ADAMTSL1: variants seen among roughly 807,000 people sequenced by gnomAD.
ADAMTSL1 encodes ADAMTS like 1, also known as ADAMTS-like protein 1.
ADAMTSL1 carries 126 observed loss-of-function variants against 201.8 expected under a neutral mutation model. That is an observed-to-expected ratio of 0.62 (90% CI 0.54 to 0.72). ADAMTSL1 has a LOEUF of 0.72. Among genes scored for constraint, ADAMTSL1 ranks in the 30% least tolerant of loss-of-function variants. The pLI is 0.00. For missense variants in ADAMTSL1, 2,679 were observed against 2,277.8 expected, an observed-to-expected ratio of 1.18 and a Z score of -3.59; for synonymous variants, 1,121 against 903.4, an observed-to-expected ratio of 1.24 and a Z score of -4.32.
intron 1 of ADAMTSL1, among the ~76,000 whole-genome samples, chr9:17,926,248 A>G (rs1826521664): frequency 6.6e-6 from 1 of 152,200 alleles, no homozygotes; most frequent in South Asian, 2.1e-4. Context: ...AAGAGTGCTT[A>G]TTTATTGGTA....
At chr9:18,574,357 C>G in intron 4 of ADAMTSL1, 91 bp downstream of exon 4, 1 of 1,114,250 alleles carries the variant, frequency 9.0e-7, no homozygotes, top group South Asian at 1.3e-5. Flanking sequence ...CTGAATCACT[C>G]ATCTTTACAC....
chr9:18,531,529 T>C (rs773450911), intron 2 of ADAMTSL1, among the ~76,000 whole-genome samples: 4 of 152,202 alleles, frequency 2.6e-5, no homozygotes, highest in African/African-American at 4.8e-5. Flanking sequence ...TTTTAATGCA[T>C]AGTAATAGTC....
chr9:18,010,018 T>C (rs1819987618), intron 1 of ADAMTSL1, among the ~76,000 whole-genome samples: 1 of 152,034 alleles, frequency 6.6e-6, no homozygotes, highest in Admixed American at 6.6e-5. Context: ...ATATGGGAAA[T>C]TTAAACTCAA....
intron 2 of ADAMTSL1, among the ~76,000 whole-genome samples, chr9:18,276,367 A>G (rs1393211658): frequency 1.3e-5 from 2 of 151,988 alleles, no homozygotes; most frequent in African/African-American, 2.4e-5. Context: ...CAATGTATAT[A>G]TTTTCATTTA....
chr9:18,636,173 G>T (rs1027625041), intron 6 of ADAMTSL1, among the ~76,000 whole-genome samples, 156 bp downstream of exon 6: 2 of 152,142 alleles, frequency 1.3e-5, no homozygotes, highest in African/African-American at 4.8e-5. Context: ...TTAGCTGCCT[G>T]ATGAGATGGC....
intron 1 of ADAMTSL1, among the ~76,000 whole-genome samples, chr9:18,020,530 G>T (rs1290488748): frequency 6.6e-6 from 1 of 152,074 alleles, no homozygotes; most frequent in Admixed American, 6.6e-5. Flanking sequence ...AGCCTTCACA[G>T]TGTGTGCAAA....
At position 18,159,268 on chromosome 9, in the gene ADAMTSL1, T is replaced by C. The variant is rs555937816; in HGVS notation, c.88-4594T>C. ...AGGAAAAAAATTTTTAACCGTGTGGTTTTCAGCACTACTCTTCCTAAGTAA... is the reference window on the plus strand; with the variant it reads ...AGGAAAAAAATTTTTAACCGTGTGGCTTTCAGCACTACTCTTCCTAAGTAA... On this transcript the variant is annotated intron_variant, in intron 1 of 29. Coordinates refer to the ADAMTSL1 transcript ENST00000680146. Among the ~76,000 whole-genome samples the C allele has an allele frequency of 8.5e-5, 13 of 152,124 alleles. No homozygotes were observed. In the South Asian group the frequency reaches 2.5e-3, roughly 29 times the overall value.
At chr9:18,736,398 C>A (rs972655807) in intron 15 of ADAMTSL1, among the ~76,000 whole-genome samples, 15 of 152,156 alleles carry the variant, frequency 9.9e-5, no homozygotes, top group Non-Finnish European at 1.9e-4. Flanking sequence ...AAGGCACATC[C>A]CAGGCACACC....
At chr9:18,602,875 G>A (rs566953588) in intron 4 of ADAMTSL1, among the ~76,000 whole-genome samples, 114 of 152,274 alleles carry the variant, frequency 7.5e-4, no homozygotes, top group African/African-American at 2.7e-3. Context: ...GCCCACTGAA[G>A]GGACTGTGTG....
intron 2 of ADAMTSL1, among the ~76,000 whole-genome samples, chr9:18,202,278 G>T (rs140878441): frequency 5.3e-4 from 81 of 152,210 alleles, no homozygotes; most frequent in Middle Eastern, 3.4e-3. Flanking sequence ...GATTTCTTCA[G>T]TTTGAAAGAA....
intron 19 of ADAMTSL1, among the ~76,000 whole-genome samples, chr9:18,785,114 G>A (rs959855241): frequency 6.6e-6 from 1 of 151,902 alleles, no homozygotes; most frequent in Non-Finnish European, 1.5e-5. Flanking sequence ...CAGTGAGCTG[G>A]TATCGTGCCA....
chr9:18,134,305 A>G (rs1465816882), intron 1 of ADAMTSL1, among the ~76,000 whole-genome samples: 1 of 152,104 alleles, frequency 6.6e-6, no homozygotes, highest in Non-Finnish European at 1.5e-5. Flanking sequence ...TGCAGAGGCA[A>G]GTTTGTTGTT....
At chr9:18,894,020 C>G (rs542168538) in intron 26 of ADAMTSL1, among the ~76,000 whole-genome samples, 1 of 152,328 alleles carries the variant, frequency 6.6e-6, no homozygotes, top group Admixed American at 6.5e-5. Flanking sequence ...AAGGGAAAAG[C>G]AGCCCACAAT....
Position 18,721,634 on chromosome 9 carries a change from A to G in ADAMTSL1, c.1975A>G (p.Lys659Glu), listed in dbSNP as rs1833385460. 1 of 1,613,948 alleles carries G rather than the reference A, an allele frequency of 6.2e-7. No individual in the cohort carries two copies. The highest frequency in any genetic ancestry group is 8.5e-7 in the Non-Finnish European group (1 of 1,179,870). ...VTSRRPPQLLKSCNLDPCPAR... is the reference protein window; with the variant it reads ...VTSRRPPQLLESCNLDPCPAR... ...CAGCCGCCGGCCCCCACAGCTCCTG[A>G]AGTCCTGCAATTTGGATCCCTGCCC... Residue 659 changes from lysine to glutamate, a missense_variant, in exon 15 of 29, where the codon AAG becomes GAG. Coordinates refer to ENST00000380548, the MANE Select transcript of ADAMTSL1 (RefSeq NM_001040272.6).
chr9:18,689,697 A>C (rs1282616158), intron 13 of ADAMTSL1, among the ~76,000 whole-genome samples: 1 of 152,178 alleles, frequency 6.6e-6, no homozygotes, highest in Non-Finnish European at 1.5e-5. Context: ...GGCTCAGAAG[A>C]AGCAATGGGA....
intron 1 of ADAMTSL1, among the ~76,000 whole-genome samples, chr9:18,080,627 G>T (rs1335438113): frequency 1.3e-5 from 2 of 152,158 alleles, no homozygotes; most frequent in Non-Finnish European, 2.9e-5. Flanking sequence ...AGCTTACAAA[G>T]CACGTTTATG....
At chr9:18,068,740 C>G (rs1822822378) in intron 1 of ADAMTSL1, among the ~76,000 whole-genome samples, 1 of 152,182 alleles carries the variant, frequency 6.6e-6, no homozygotes. Context: ...TGAAAGCACT[C>G]TATGTGGCAA....
intron 1 of ADAMTSL1, among the ~76,000 whole-genome samples, chr9:18,115,866 A>G (rs748409637): frequency 1.8e-4 from 27 of 152,276 alleles, no homozygotes; most frequent in African/African-American, 9.6e-5. Flanking sequence ...GCTACCATGC[A>G]TGTTTCCCTT....
intron 4 of ADAMTSL1, among the ~76,000 whole-genome samples, chr9:18,595,737 C>T (rs1045672004): frequency 4.6e-5 from 7 of 152,230 alleles, no homozygotes; most frequent in Non-Finnish European, 1.0e-4. Flanking sequence ...CAGTAGTGTA[C>T]ACAGTTCTTT....
Sources: allele counts gnomAD v4.1 joint callset (sites outside exome capture counted in the v4.1 genomes callset), GRCh38; gene constraint gnomAD v4.1.1; transcripts MANE v1.5; gene names NCBI Gene and HGNC (gene_info 2026-07-23, HGNC 2026-07-21).